The following NRXN1 variants were observed in gnomAD, a reference collection of about 807,000 sequenced individuals.
NRXN1 encodes the protein neurexin-1.
A neutral mutation model predicts 150.9 loss-of-function variants in NRXN1; 39 were observed. The ratio of observed to expected loss-of-function variants is 0.26; its 90% confidence interval spans 0.20 to 0.34. The LOEUF is 0.34. Among genes scored for constraint, NRXN1 ranks in the 10% least tolerant of loss-of-function variants. The probability of loss-of-function intolerance (pLI) is 1.00; values close to 1 mark genes in which losing one functional copy is unlikely to be tolerated. For synonymous variants in NRXN1, 924 were observed against 757.0 expected (o/e 1.22, Z -3.62); for missense variants, 1,815 against 1,949.9 (o/e 0.93, Z 1.30).
intron 17 of NRXN1, among the ~76,000 whole-genome samples, chr2:50,282,033 A>T (rs1233805310): frequency 3.3e-5 from 5 of 152,330 alleles, no homozygotes; most frequent in Non-Finnish European, 7.4e-5. Context: ...TCATGCCTGC[A>T]GTATGAGGCA....
chr2:50,854,930 A>G (rs537548811), intron 5 of NRXN1, among the ~76,000 whole-genome samples: 40 of 152,142 alleles, frequency 2.6e-4, no homozygotes, highest in Non-Finnish European at 5.0e-4. Context: ...GAGCAACAGA[A>G]ACGGATTTAA....
rs35706467 is a variant in NRXN1 at position 49,936,721 on chromosome 2, T to TA, written c.4216+6982dup. On this transcript the variant is annotated intron_variant, in intron 22 of 22. Coordinates refer to ENST00000401669, the MANE Select transcript of NRXN1 (RefSeq NM_001330078.2). ...TAAAGTGTAGCAACCATTATATTGT[T>TA]AAAAAAAAAAAAAAGTTCAAACCTC... is the stretch of plus-strand genomic sequence containing the variant. Among the ~76,000 whole-genome samples the TA allele has an allele frequency of 1.0e-3, 144 of 141,844 alleles. No individual in the cohort carries two copies. In the Middle Eastern group the frequency reaches 0.019, roughly 19 times the overall value. 93.1% of individuals were successfully genotyped at this position (141,844 alleles called of 152,430 possible).
At chr2:50,494,836 C>T (rs1332623192) in intron 15 of NRXN1, among the ~76,000 whole-genome samples, 2 of 151,850 alleles carry the variant, frequency 1.3e-5, no homozygotes, top group East Asian at 3.9e-4. Flanking sequence ...AGTTCAAGAG[C>T]AGCCTGACCA....
At chr2:50,524,428 G>A (rs989138885) in intron 12 of NRXN1, among the ~76,000 whole-genome samples, 5 of 151,676 alleles carry the variant, frequency 3.3e-5, no homozygotes, top group African/African-American at 1.2e-4. Context: ...TCAGAGAGCT[G>A]AGATTGCACC....
At chr2:50,098,350 T>G (rs2351156) in intron 18 of NRXN1, among the ~76,000 whole-genome samples, 4 of 151,842 alleles carry the variant, frequency 2.6e-5, no homozygotes, top group South Asian at 2.1e-4. Context: ...GAGGGAGTGG[T>G]GGGGAAAAGC....
intron 8 of NRXN1, among the ~76,000 whole-genome samples, chr2:50,594,923 T>C (rs1387179582): frequency 6.6e-6 from 1 of 151,918 alleles, no homozygotes; most frequent in South Asian, 2.1e-4. Flanking sequence ...TCATTATTCA[T>C]ATTGTGTCTT....
chr2:50,380,448 T>C (rs1170422661), intron 17 of NRXN1, among the ~76,000 whole-genome samples: 1 of 152,132 alleles, frequency 6.6e-6, no homozygotes, highest in African/African-American at 2.4e-5. Flanking sequence ...TTCTTTTTTA[T>C]ATATTTGTAT....
rs200631737 is a variant in NRXN1, at chr2:51,028,223, C to T, written c.51G>A (p.Ser17=). The T allele has an allele frequency of 8.8e-6, 13 of 1,477,038 alleles. No individual in the cohort carries two copies. The highest frequency in any genetic ancestry group is 1.4e-5 in the African/African-American group (1 of 71,058). 91.5% of individuals were successfully genotyped at this position (1,477,038 alleles called of 1,614,324 possible). A position where few individuals can be genotyped will look rare whatever the true frequency, so the allele number is the denominator to read the frequency against. Residue 17 remains serine, a synonymous_variant, in exon 2 of 23, where the codon TCG becomes TCA. Coordinates refer to ENST00000401669, the MANE Select transcript of NRXN1 (RefSeq NM_001330078.2). ...QRGGCFLLCL[S]LLLLGCWAEL... ...CCGCCCAGCAGCCCAGGAGCAGCAG[C>T]GAGAGGCACAGAAGAAAACAGCCCC...
intron 17 of NRXN1, among the ~76,000 whole-genome samples, chr2:50,268,991 G>A (rs2069232770): frequency 6.6e-6 from 1 of 152,126 alleles, no homozygotes; most frequent in South Asian, 2.1e-4. Context: ...AGCTCTTGTG[G>A]TTTCTGATTA....
intron 21 of NRXN1, among the ~76,000 whole-genome samples, chr2:49,981,670 AC>A (rs1680013432): frequency 6.6e-6 from 1 of 152,080 alleles, no homozygotes; most frequent in South Asian, 2.1e-4. Flanking sequence ...TACATACAGA[AC>A]CCACATGGAG....
chr2:50,881,956 A>G (rs944054051), intron 5 of NRXN1, among the ~76,000 whole-genome samples: 1 of 151,816 alleles, frequency 6.6e-6, no homozygotes, highest in Non-Finnish European at 1.5e-5. Flanking sequence ...TAGCAATTGA[A>G]GGGGGAGGGA....
intron 18 of NRXN1, among the ~76,000 whole-genome samples, chr2:50,104,358 T>A (rs1343681621): frequency 6.6e-6 from 1 of 152,030 alleles, no homozygotes; most frequent in Non-Finnish European, 1.5e-5. Context: ...CTGCCAAACA[T>A]GTCCACTGTT....
chr2:50,995,415 G>T (rs1280844493), intron 2 of NRXN1, among the ~76,000 whole-genome samples: 1 of 151,608 alleles, frequency 6.6e-6, no homozygotes, highest in African/African-American at 2.4e-5. Flanking sequence ...TGTCCAACAG[G>T]ACAAAACAAT....
At chr2:50,261,233 T>A (rs981181883) in intron 17 of NRXN1, among the ~76,000 whole-genome samples, 3 of 151,712 alleles carry the variant, frequency 2.0e-5, no homozygotes, top group African/African-American at 7.2e-5. Flanking sequence ...AACATACACA[T>A]TACCCTAGGC....
chr2:50,418,184 G>A, intron 17 of NRXN1, among the ~76,000 whole-genome samples: 1 of 151,904 alleles, frequency 6.6e-6, no homozygotes, highest in East Asian at 1.9e-4. Context: ...TGTAGGGAGG[G>A]GTTTCCTTCT....
intron 21 of NRXN1, among the ~76,000 whole-genome samples, chr2:49,968,973 G>T (rs1677448830): frequency 6.6e-6 from 1 of 152,028 alleles, no homozygotes; most frequent in Non-Finnish European, 1.5e-5. Context: ...TATTTTAACA[G>T]ATCTTAACTA....
rs373984552 is a variant in NRXN1, at chr2:50,517,121, T to C, written c.2375-10504A>G. Among the ~76,000 whole-genome samples the C allele has an allele frequency of 1.6e-4, 25 of 152,218 alleles. No individual in the cohort carries two copies. The East Asian group carries it at 4.4e-3, about 27-fold the overall frequency. On this transcript the variant is annotated intron_variant, in intron 12 of 22. Coordinates refer to ENST00000401669, the MANE Select transcript of NRXN1 (RefSeq NM_001330078.2). ...TATCCTCATATATCTCATAAGCTAA[T>C]ACTAGAAACAATGTAAATGGGTTTC...
chr2:50,825,939 C>T (rs1487577134), intron 5 of NRXN1, among the ~76,000 whole-genome samples: 1 of 152,208 alleles, frequency 6.6e-6, no homozygotes, highest in African/African-American at 2.4e-5. Context: ...CCACACATCT[C>T]ATGTTAGAGG....
At chr2:50,111,088 G>T (rs1299180406) in intron 18 of NRXN1, among the ~76,000 whole-genome samples, 1 of 152,044 alleles carries the variant, frequency 6.6e-6, no homozygotes, top group Non-Finnish European at 1.5e-5. Flanking sequence ...CTCTTGGCCC[G>T]TTATTTTAGA....
Sources: allele counts gnomAD v4.1 joint callset (sites outside exome capture counted in the v4.1 genomes callset), GRCh38; gene constraint gnomAD v4.1.1; transcripts MANE v1.5; gene names NCBI Gene and HGNC (gene_info 2026-07-23, HGNC 2026-07-21).